SGCB: variants seen among roughly 807,000 people sequenced by gnomAD.
SGCB encodes beta-sarcoglycan.
Under a neutral mutation model 27.3 loss-of-function variants are expected in SGCB, and 25 were observed. That is an observed-to-expected ratio of 0.92 (90% confidence interval 0.67 to 1.28). The LOEUF (loss-of-function observed/expected upper bound fraction) is 1.28, where lower values mean the gene tolerates loss of function less well. SGCB is among the 50% of genes most tolerant of loss of function. The probability of loss-of-function intolerance (pLI) is 0.00; values close to 1 mark genes in which losing one functional copy is unlikely to be tolerated. For missense variants in SGCB, 436 were observed against 402.1 expected, an observed-to-expected ratio of 1.08 and a Z score of -0.72; for synonymous variants, 147 against 133.5, an observed-to-expected ratio of 1.10 and a Z score of -0.70.
chr4:52,036,799 G>A (rs1737405432), intron 1 of SGCB, among the ~76,000 whole-genome samples: 2 of 152,214 alleles, frequency 1.3e-5, no homozygotes, highest in African/African-American at 2.4e-5. Flanking sequence ...GCCCAGGACA[G>A]CAGAACATTA....
At position 52,023,110 on chromosome 4, in the gene SGCB, A is replaced by G. The variant is rs886059434; in HGVS notation, c.*847T>C. The G allele has an allele frequency of 6.6e-6, 1 of 152,276 alleles. No individual in the cohort carries two copies. Among genetic ancestry groups the G allele is most frequent in the Non-Finnish European group, 1.5e-5 (1 of 68,010 alleles). The allele number at this position is 152,276 out of a possible 1,614,324, so 9.4% of individuals were successfully genotyped here. A position where few individuals can be genotyped will look rare whatever the true frequency, so the allele number is the denominator to read the frequency against. On this transcript the variant is annotated 3_prime_UTR_variant, in exon 6 of 6. Coordinates refer to ENST00000381431, the MANE Select transcript of SGCB (RefSeq NM_000232.5). The stretch of plus-strand genomic sequence containing the variant: ...AGGTTTGAGTCATGCCTGAATTCCA[A>G]TCCCAACTCTGCTACTTACTATATG...
chr4:52,034,878 T>C (rs1157447898), intron 1 of SGCB, among the ~76,000 whole-genome samples: 1 of 152,194 alleles, frequency 6.6e-6, no homozygotes. Flanking sequence ...ACATGACCAA[T>C]GTGATGGCAT....
Position 52,023,603 on chromosome 4 carries a change from T to C in SGCB, c.*354A>G. 3.5e-6 allele frequency: 1 copy of C among 288,146 alleles called. No individual in the cohort carries two copies. The highest frequency in any genetic ancestry group is 6.8e-6 in the Non-Finnish European group (1 of 148,106). The allele number at this position is 288,146 out of a possible 1,614,324, so 17.8% of individuals were successfully genotyped here. ...ATATCTTAAGTGGGTCTATCCCCAT[T>C]AGAGTTACCAAAGTTTACTTACAGT... On this transcript the variant is annotated 3_prime_UTR_variant, in exon 6 of 6. Coordinates refer to ENST00000381431, the MANE Select transcript of SGCB (RefSeq NM_000232.5).
At chr4:52,031,107 CATA>C (rs1737231832) in intron 2 of SGCB, among the ~76,000 whole-genome samples, 2 of 151,998 alleles carry the variant, frequency 1.3e-5, no homozygotes, top group South Asian at 4.1e-4. Flanking sequence ...TCTTAAATTT[CATA>C]ATAATGGCCT....
rs2109371822 is a variant in SGCB at position 52,029,699 on chromosome 4, G to A, written c.408C>T (p.Val136=). Residue 136 remains valine (V), a synonymous_variant, in exon 3 of 6, where the codon GTC becomes GTT. Coordinates refer to ENST00000381431, the MANE Select transcript of SGCB (RefSeq NM_000232.5). ...TTACAGGCTGGTTGTTGCCAGTGAT[G>A]ACCAAATTTTCATTTCGCCTTCCTC... ...TVGGRRNENL[V]ITGNNQPIVF... 1 of 1,613,360 alleles carries A rather than the reference G, an allele frequency of 6.2e-7. No individual in the cohort carries two copies. The highest frequency in any genetic ancestry group is 1.7e-5 in the Admixed American group (1 of 59,986).
Position 52,037,567 on chromosome 4 carries a change from A to C in SGCB, c.33+660T>G, listed in dbSNP as rs142326498. Among the ~76,000 whole-genome samples the C allele has an allele frequency of 9.5e-4, 144 of 152,358 alleles. 4 individuals carry two copies. In the East Asian group the frequency reaches 0.022, roughly 23 times the overall value. On this transcript the variant is annotated intron_variant, in intron 1 of 5. Transcript: ENST00000381431. The stretch of plus-strand genomic sequence containing the variant: ...TATATATTAACACACACACATATGC[A>C]TGTACATGTATGCATACGTATAACT...
intron 1 of SGCB, among the ~76,000 whole-genome samples, chr4:52,033,963 A>G (rs1737317633): frequency 6.6e-6 from 1 of 152,026 alleles, no homozygotes; most frequent in Non-Finnish European, 1.5e-5. Flanking sequence ...TTAATAATTT[A>G]TTAATTTTTT....
At chr4:52,028,593 G>T in intron 4 of SGCB, 137 bp downstream of exon 4, 2 of 647,742 alleles carry the variant, frequency 3.1e-6, no homozygotes. Flanking sequence ...TCGAGATCGC[G>T]CCACTGCACT....
chr4:52,023,191 T>C lies in SGCB; in HGVS notation c.*766A>G, dbSNP rs1292025218. The C allele has an allele frequency of 1.3e-5, 2 of 152,146 alleles. No homozygotes were observed. Among genetic ancestry groups the C allele is most frequent in the Non-Finnish European group, 2.9e-5 (2 of 68,020 alleles). The allele number at this position is 152,146 out of a possible 1,614,324, so 9.4% of individuals were successfully genotyped here. On this transcript the variant is annotated 3_prime_UTR_variant, in exon 6 of 6. Coordinates refer to ENST00000381431, the MANE Select transcript of SGCB (RefSeq NM_000232.5). The stretch of plus-strand genomic sequence containing the variant: ...CTTCAGTTTCTTAATGGGTAAAACT[T>C]GGATAATACCACCTACTTGCAGGGT...
intron 1 of SGCB, 108 bp downstream of exon 1, chr4:52,038,119 C>T: frequency 4.8e-6 from 5 of 1,042,966 alleles, no homozygotes; most frequent in Non-Finnish European, 5.8e-6. Context: ...AACCCAGACC[C>T]TGCGGCCCGC....
intron 5 of SGCB, among the ~76,000 whole-genome samples, chr4:52,026,384 G>T (rs1166795611): frequency 3.4e-5 from 5 of 148,712 alleles, no homozygotes. Flanking sequence ...TCAGCCTCCC[G>T]GGTAGCTGGG....
chr4:52,028,640 A>G (rs967929346), intron 4 of SGCB, 90 bp downstream of exon 4: 41 of 1,085,002 alleles, frequency 3.8e-5, no homozygotes, highest in African/African-American at 6.3e-5. Flanking sequence ...CGTCTCAAAA[A>G]AAAAACAACA....
In SGCB at chr4:52,024,163, A is replaced by G. The variant is rs112774633; in HGVS notation, c.754-3T>C. The stretch of plus-strand genomic sequence containing the variant: ...CCATTTAGGATGATACTGTTTTCCT[A>G]TTAGGAGAATAGTAATATGATTTAT... On this transcript the variant is annotated splice_polypyrimidine_tract_variant and splice_region_variant and intron_variant, in intron 5 of 5. Transcript: ENST00000381431. The G allele has an allele frequency of 5.6e-6, 9 of 1,610,494 alleles. No homozygotes were observed. The highest frequency in any genetic ancestry group is 4.0e-5 in the African/African-American group (3 of 74,848).
intron 5 of SGCB, among the ~76,000 whole-genome samples, chr4:52,024,788 G>A (rs1425421374): frequency 3.3e-5 from 4 of 122,414 alleles, no homozygotes; most frequent in South Asian, 2.7e-4. Flanking sequence ...AGATCACACC[G>A]CTGCACTCCA....
At chr4:52,024,825 C>T (rs1484703173) in intron 5 of SGCB, among the ~76,000 whole-genome samples, 2 of 50,440 alleles carry the variant, frequency 4.0e-5, no homozygotes, top group Non-Finnish European at 7.8e-5. Flanking sequence ...GAGACACTGT[C>T]TCAAAAAAAA....
At position 52,029,800 on chromosome 4, in the gene SGCB, G is replaced by C. The variant is rs749524513; in HGVS notation, c.307C>G (p.His103Asp). 1 of 1,613,662 alleles carries C rather than the reference G, an allele frequency of 6.2e-7. No individual in the cohort carries two copies. The highest frequency in any genetic ancestry group is 8.5e-7 in the Non-Finnish European group (1 of 1,179,698). Residue 103 changes from histidine to aspartate, a missense_variant, in exon 3 of 6, where the codon CAT becomes GAT. Physicochemically the swap from His to Asp is moderately conservative, Grantham distance 81. Transcript: ENST00000381431. ...GPNGCDSMEF[H>D]ESGLLRFKQV... ...TTAAATCGAAGCAGGCCACTTTCAT[G>C]AAACTCCATACTATCACAGCCATTT...
intron 2 of SGCB, among the ~76,000 whole-genome samples, chr4:52,030,126 C>A (rs545624115): frequency 6.6e-6 from 1 of 152,258 alleles, no homozygotes; most frequent in South Asian, 2.1e-4. Flanking sequence ...ACCCTCTCCA[C>A]ATCTCATTCC....
intron 5 of SGCB, among the ~76,000 whole-genome samples, chr4:52,025,460 C>T (rs956935876): frequency 1.5e-4 from 23 of 152,040 alleles, no homozygotes; most frequent in African/African-American, 5.3e-4. Flanking sequence ...GCAAAGGCCC[C>T]GAGGTGAAGA....
intron 5 of SGCB, among the ~76,000 whole-genome samples, chr4:52,026,260 T>G (rs1400612409): frequency 7.2e-6 from 1 of 138,728 alleles, no homozygotes; most frequent in Non-Finnish European, 1.6e-5. Context: ...GTTTTTTTTT[T>G]TTTTTTTTTT....
Sources: gnomAD v4.1 joint callset for allele counts (sites outside exome capture counted in the v4.1 genomes callset) on GRCh38, gnomAD v4.1.1 for gene constraint, MANE v1.5 for transcripts, NCBI Gene and HGNC (gene_info 2026-07-23, HGNC 2026-07-21) for gene names.